MBOAT1: variants seen among roughly 807,000 people sequenced by gnomAD.
The protein encoded by MBOAT1 is membrane bound glycerophospholipid O-acyltransferase 1.
MBOAT1 carries 67 observed loss-of-function variants against 64.4 expected under a neutral mutation model. That is an observed-to-expected ratio of 1.04 (90% CI 0.85 to 1.27). The LOEUF (loss-of-function observed/expected upper bound fraction) is 1.27, where lower values mean the gene tolerates loss of function less well. MBOAT1 is among the 50% of genes most tolerant of loss of function. MBOAT1 has a pLI of 0.00. For synonymous variants in MBOAT1, 229 were observed against 218.9 expected (o/e 1.05, Z -0.41); for missense variants, 563 against 604.6 (o/e 0.93, Z 0.72).
chr6:20,132,172 T>C (rs1581411527), intron 4 of MBOAT1, among the ~76,000 whole-genome samples: 1 of 152,146 alleles, frequency 6.6e-6, no homozygotes, highest in East Asian at 1.9e-4. Flanking sequence ...TGAGCAACCA[T>C]GCCCACCTAA....
chr6:20,146,428 A>AT (rs1471870214), intron 3 of MBOAT1, among the ~76,000 whole-genome samples: 1 of 152,184 alleles, frequency 6.6e-6, no homozygotes, highest in Admixed American at 6.5e-5. Flanking sequence ...TGCAGAAAAG[A>AT]TTTTTTCTCT....
rs929375109 is a variant in MBOAT1 at position 20,111,847 on chromosome 6, C to T, written c.1209+1029G>A. Reference sequence around the variant, plus strand: ...ATACATATATATACACATATATATACATATATATATACATATATATACATA... The same window carrying T: ...ATACATATATATACACATATATATATATATATATATACATATATATACATA... On this transcript the variant is annotated intron_variant, in intron 11 of 12. Transcript: ENST00000324607. Among the ~76,000 whole-genome samples the T allele has an allele frequency of 9.9e-3, 748 of 75,440 alleles. 1 individual carries two copies. Among genetic ancestry groups the T allele is most frequent in the South Asian group, 0.02 (41 of 2,092 alleles). The allele number at this position is 75,440 out of a possible 152,430, so 49.5% of individuals were successfully genotyped here.
intron 9 of MBOAT1, 137 bp downstream of exon 9, chr6:20,118,300 T>C (rs1581400866): frequency 1.9e-5 from 13 of 675,962 alleles, no homozygotes; most frequent in Non-Finnish European, 3.1e-5. Flanking sequence ...AAATGTCCAG[T>C]AGGCTGCTGA....
rs142100593 is a variant in MBOAT1 at position 20,209,855 on chromosome 6, T to C, written c.99+2281A>G. Among the ~76,000 whole-genome samples the C allele has an allele frequency of 6.9e-3, 1,051 of 152,216 alleles. 11 individuals carry two copies. The highest frequency in any genetic ancestry group is 0.041 in the Middle Eastern group (12 of 294). On this transcript the variant is annotated intron_variant, in intron 1 of 12. Coordinates refer to ENST00000324607, the MANE Select transcript of MBOAT1 (RefSeq NM_001080480.3). The stretch of plus-strand genomic sequence containing the variant: ...GGCCTTGGGGGCCACTGTGAAGAGA[T>C]GGAAGGGCTACAAGGTAGGAAGAAG...
chr6:20,192,618 A>G (rs1222333738), intron 1 of MBOAT1, among the ~76,000 whole-genome samples: 3 of 152,182 alleles, frequency 2.0e-5, no homozygotes, highest in Non-Finnish European at 2.9e-5. Context: ...TGGCTTCAAA[A>G]ATGTGATGGG....
rs1759752160 is a variant in MBOAT1 at position 20,100,282 on chromosome 6, G to A, written c.*2004C>T. Among the ~76,000 whole-genome samples, 1 of 151,806 alleles carries A rather than the reference G, an allele frequency of 6.6e-6. No homozygotes were observed. Among genetic ancestry groups the A allele is most frequent in the Non-Finnish European group, 1.5e-5 (1 of 67,966 alleles). ...ATTATTCCACATACTCCACACCAAT[G>A]GTAATATTTACCATTTTTGCTAGTT... is the stretch of plus-strand genomic sequence containing the variant. On this transcript the variant is annotated 3_prime_UTR_variant, in exon 13 of 13. Transcript: ENST00000324607.
At chr6:20,160,338 A>T (rs939708971) in intron 1 of MBOAT1, among the ~76,000 whole-genome samples, 4 of 152,236 alleles carry the variant, frequency 2.6e-5, no homozygotes, top group Non-Finnish European at 5.9e-5. Context: ...GCTATTTTTA[A>T]CAAATAGCAA....
chr6:20,177,773 CAAAAAA>C lies in MBOAT1; in HGVS notation c.100-25010_100-25005del, dbSNP rs58552446. Among the ~76,000 whole-genome samples the C allele has an allele frequency of 1.0e-3, 86 of 84,648 alleles. No individual in the cohort carries two copies. In the East Asian group the frequency reaches 0.025, roughly 25 times the overall value. The allele number at this position is 84,648 out of a possible 152,430, so 55.5% of individuals were successfully genotyped here. A position where few individuals can be genotyped will look rare whatever the true frequency, so the allele number is the denominator to read the frequency against. ...TGGGCAACAGAGTGAGACTCCGTCTCAAAAAAAAAAAAAAAAAACAAAAAACTTGGT... is the reference window on the plus strand; with the variant it reads ...TGGGCAACAGAGTGAGACTCCGTCTCAAAAAAAAAAAACAAAAAACTTGGT... On this transcript the variant is annotated intron_variant, in intron 1 of 12. Transcript: ENST00000324607.
Position 20,102,324 on chromosome 6 carries a change from G to C in MBOAT1, c.1450C>G (p.Gln484Glu). The change falls in exon 13 of 13, where the codon CAG (glutamine) becomes GAG (glutamate). Residue 484 changes from glutamine (Q) to glutamate (E), a missense_variant. By Grantham distance (29) the Gln-to-Glu change is conservative. Coordinates refer to ENST00000324607, the MANE Select transcript of MBOAT1 (RefSeq NM_001080480.3). Reference sequence around the variant, plus strand: ...CTCTTATTAATAGAGTTCAGAGTCTGAGGCCGCCTTTGCGTATGAGCTTGT... The same window carrying C: ...CTCTTATTAATAGAGTTCAGAGTCTCAGGCCGCCTTTGCGTATGAGCTTGT... ...KPQAHTQRRP[Q>E]TLNSINKRKT... 1 of 1,614,082 alleles carries C rather than the reference G, an allele frequency of 6.2e-7. No individual in the cohort carries two copies. Among genetic ancestry groups the C allele is most frequent in the Non-Finnish European group, 8.5e-7 (1 of 1,179,988 alleles).
intron 1 of MBOAT1, among the ~76,000 whole-genome samples, chr6:20,199,778 G>A (rs1031736090): frequency 6.6e-6 from 1 of 152,146 alleles, no homozygotes; most frequent in Non-Finnish European, 1.5e-5. Context: ...GACCAGCCTG[G>A]CCAACATGGT....
chr6:20,111,881 T>TATATACATATATATATAC (rs1760178976), intron 11 of MBOAT1, among the ~76,000 whole-genome samples: 1 of 79,852 alleles, frequency 1.3e-5, no homozygotes, highest in Non-Finnish European at 2.6e-5. Context: ...TATATATATG[T>TATATACATATATATATAC]ATATATATAT....
chr6:20,190,754 T>C (rs1762780054), intron 1 of MBOAT1, among the ~76,000 whole-genome samples: 1 of 151,644 alleles, frequency 6.6e-6, no homozygotes, highest in Non-Finnish European at 1.5e-5. Flanking sequence ...TCGTAGACGA[T>C]TCTGGATAAA....
At position 20,160,181 on chromosome 6, in the gene MBOAT1, G is replaced by A. The variant is rs527633785; in HGVS notation, c.100-7412C>T. On this transcript the variant is annotated intron_variant, in intron 1 of 12. Transcript: ENST00000324607. ...TCAAACTGTGCTACAATTTTCAAAC[G>A]CAAGTCTTAAATCTACCCTAATGTG... Among the ~76,000 whole-genome samples, 3 of 152,220 alleles carry A rather than the reference G, an allele frequency of 2.0e-5. 1 individual carries two copies. The South Asian group carries it at 6.2e-4, about 32-fold the overall frequency.
intron 7 of MBOAT1, chr6:20,125,842 T>G (rs1278042959): frequency 2.4e-6 from 1 of 422,832 alleles, no homozygotes; most frequent in Non-Finnish European, 4.6e-6. Context: ...ATGTTTAACT[T>G]GAATTATCCT....
At chr6:20,178,715 G>C (rs1381965384) in intron 1 of MBOAT1, among the ~76,000 whole-genome samples, 1 of 152,168 alleles carries the variant, frequency 6.6e-6, no homozygotes, top group African/African-American at 2.4e-5. Flanking sequence ...TACACCTGGA[G>C]TCAGAGTGAA....
intron 4 of MBOAT1, among the ~76,000 whole-genome samples, chr6:20,138,313 C>T (rs1344837203): frequency 6.6e-6 from 1 of 152,062 alleles, no homozygotes; most frequent in African/African-American, 2.4e-5. Context: ...GTATTATTTC[C>T]CTAACAACAA....
chr6:20,144,318 G>C lies in MBOAT1; in HGVS notation c.324-3C>G, dbSNP rs1468335956. On this transcript the variant is annotated splice_polypyrimidine_tract_variant and splice_region_variant and intron_variant, in intron 3 of 12. Transcript: ENST00000324607. ...CCATTGCTACAAAAAAGGAATATCTGAAAGCAAAAACATAGATGATCAGAT... is the reference window on the plus strand; with the variant it reads ...CCATTGCTACAAAAAAGGAATATCTCAAAGCAAAAACATAGATGATCAGAT... 6.3e-7 allele frequency: 1 copy of C among 1,578,360 alleles called. No individual in the cohort carries two copies. Among genetic ancestry groups the C allele is most frequent in the Non-Finnish European group, 8.7e-7 (1 of 1,150,380 alleles).
intron 1 of MBOAT1, among the ~76,000 whole-genome samples, chr6:20,168,565 AAGAG>A (rs1024068318): frequency 9.3e-6 from 1 of 107,852 alleles, no homozygotes; most frequent in African/African-American, 3.6e-5. Context: ...GAGAAAGAGA[AAGAG>A]AGAGAGAGAA....
At chr6:20,205,860 G>A (rs1460491338) in intron 1 of MBOAT1, among the ~76,000 whole-genome samples, 3 of 152,188 alleles carry the variant, frequency 2.0e-5, no homozygotes, top group African/African-American at 7.2e-5. Flanking sequence ...CTCAGAGTCA[G>A]TCACTGGACA....
Sources: allele counts gnomAD v4.1 joint callset (sites outside exome capture counted in the v4.1 genomes callset), GRCh38; gene constraint gnomAD v4.1.1; transcripts MANE v1.5; gene names NCBI Gene and HGNC (gene_info 2026-07-23, HGNC 2026-07-21).